Variants in RYR2 observed in about 807,000 individuals in gnomAD.
RYR2 encodes the protein ryanodine receptor 2.
A neutral mutation model predicts 601.1 loss-of-function variants in RYR2; 227 were observed. The ratio of observed to expected loss-of-function variants is 0.38; its 90% CI spans 0.34 to 0.42. The LOEUF is 0.42. Among genes scored for constraint, RYR2 ranks in the 10% least tolerant of loss-of-function variants. RYR2 has a pLI of 1.00. For missense variants in RYR2, 4,646 were observed against 6,156.5 expected (o/e 0.75, Z 8.21); for synonymous variants, 2,223 against 2,175.1 (o/e 1.02, Z -0.61).
intron 29 of RYR2, among the ~76,000 whole-genome samples, chr1:237,581,566 A>G (rs1842084): frequency 0.3 from 45,451 of 152,074 alleles, 7,273 homozygotes; most frequent in East Asian, 0.61. Flanking sequence ...ATATAGAACT[A>G]CTAGTTTGTT....
intron 1 of RYR2, among the ~76,000 whole-genome samples, chr1:237,192,470 C>T (rs1325391061): frequency 1.3e-5 from 2 of 152,246 alleles, no homozygotes; most frequent in African/African-American, 4.8e-5. Flanking sequence ...CGGCCTCGGC[C>T]TCCCGAAGTG....
At chr1:237,333,045 T>C (rs577978180) in intron 3 of RYR2, among the ~76,000 whole-genome samples, 1 of 152,336 alleles carries the variant, frequency 6.6e-6, no homozygotes, top group South Asian at 2.1e-4. Flanking sequence ...TCAAGTATTT[T>C]TATTTAGCTG....
intron 92 of RYR2, among the ~76,000 whole-genome samples, chr1:237,788,796 A>T (rs1369720751): frequency 6.6e-6 from 1 of 152,084 alleles, no homozygotes; most frequent in Non-Finnish European, 1.5e-5. Flanking sequence ...CATATTTGGA[A>T]AACAAAAGGT....
At chr1:237,788,409 G>T (rs902071293) in intron 92 of RYR2, among the ~76,000 whole-genome samples, 1 of 152,148 alleles carries the variant, frequency 6.6e-6, no homozygotes, top group Non-Finnish European at 1.5e-5. Flanking sequence ...CCCAGTGTCT[G>T]CCCACAAAGA....
chr1:237,544,462 G>A (rs958841015), intron 25 of RYR2, among the ~76,000 whole-genome samples: 2 of 152,014 alleles, frequency 1.3e-5, no homozygotes, highest in African/African-American at 4.8e-5. Flanking sequence ...TCCCATTTTG[G>A]TGGCTATAAA....
At chr1:237,284,499 T>TATAA (rs1691269097) in intron 2 of RYR2, among the ~76,000 whole-genome samples, 4 of 141,830 alleles carry the variant, frequency 2.8e-5, no homozygotes, top group South Asian at 2.2e-4. Context: ...ATATAAAATA[T>TATAA]ATATAAAATA....
At chr1:237,186,138 A>G (rs571586215) in intron 1 of RYR2, among the ~76,000 whole-genome samples, 9 of 152,330 alleles carry the variant, frequency 5.9e-5, no homozygotes, top group Middle Eastern at 3.4e-3. Context: ...TGATCCGTGA[A>G]GATGGGATAT....
Position 237,601,354 on chromosome 1 carries a change from C to T in RYR2, c.4597-671C>T, listed in dbSNP as rs967639236. Among the ~76,000 whole-genome samples, 3 of 152,152 alleles carry T rather than the reference C, an allele frequency of 2.0e-5. No homozygotes were observed. The South Asian group carries it at 6.2e-4, about 32-fold the overall frequency. ...ACATAGAAAGAAAAATACTGCATTG[C>T]CCACTCATATGTAGAATCGAAAAAA... On this transcript the variant is annotated intron_variant, in intron 34 of 104. Coordinates refer to ENST00000366574, the MANE Select transcript of RYR2 (RefSeq NM_001035.3).
chr1:237,255,306 C>T (rs1389086780), intron 1 of RYR2, among the ~76,000 whole-genome samples: 1 of 152,144 alleles, frequency 6.6e-6, no homozygotes, highest in Non-Finnish European at 1.5e-5. Flanking sequence ...CTTTTTAGAT[C>T]TGATATTTTT....
chr1:237,541,003 A>G (rs1408868329), intron 25 of RYR2, among the ~76,000 whole-genome samples: 1 of 152,182 alleles, frequency 6.6e-6, no homozygotes, highest in Non-Finnish European at 1.5e-5. Flanking sequence ...GTGTACCCGT[A>G]TGTATACTGT....
At chr1:237,223,878 G>A (rs1362777268) in intron 1 of RYR2, among the ~76,000 whole-genome samples, 1 of 152,152 alleles carries the variant, frequency 6.6e-6, no homozygotes, top group Non-Finnish European at 1.5e-5. Flanking sequence ...TCTCCTTCTG[G>A]TCTGTAAGGC....
At chr1:237,543,806 C>G (rs753015959) in intron 25 of RYR2, among the ~76,000 whole-genome samples, 1 of 152,126 alleles carries the variant, frequency 6.6e-6, no homozygotes, top group Non-Finnish European at 1.5e-5. Context: ...TTACACTGAG[C>G]CCTTGTTTCA....
At chr1:237,073,079 T>C (rs1315517639) in intron 1 of RYR2, among the ~76,000 whole-genome samples, 1 of 152,146 alleles carries the variant, frequency 6.6e-6, no homozygotes, top group Non-Finnish European at 1.5e-5. Flanking sequence ...AAGGACCTAG[T>C]GTAGAGGACT....
intron 27 of RYR2, among the ~76,000 whole-genome samples, chr1:237,556,903 A>C (rs1271104451): frequency 2.8e-5 from 3 of 108,734 alleles, no homozygotes; most frequent in Admixed American, 9.6e-5. Flanking sequence ...AAAAAAAAAA[A>C]AAAAAACCCT....
At chr1:237,566,833 G>A in intron 28 of RYR2, 58 bp downstream of exon 28, 2 of 1,545,230 alleles carry the variant, frequency 1.3e-6, no homozygotes, top group South Asian at 1.1e-5. Context: ...CATCTCCTCT[G>A]CTGTTCCTCT....
chr1:237,821,383 CAG>C (rs1662477818), intron 101 of RYR2, among the ~76,000 whole-genome samples: 1 of 152,156 alleles, frequency 6.6e-6, no homozygotes, highest in South Asian at 2.1e-4. Context: ...CCCAGGCAAA[CAG>C]GGTCTGGAGT....
At chr1:237,733,824 G>A (rs1573726132) in intron 79 of RYR2, 68 bp downstream of exon 79, 1 of 1,089,498 alleles carries the variant, frequency 9.2e-7, no homozygotes, top group Non-Finnish European at 1.4e-6. Context: ...CATCTGAAAA[G>A]GATAAGAATC....
chr1:237,228,945 G>A (rs1237502803), intron 1 of RYR2, among the ~76,000 whole-genome samples: 1 of 152,140 alleles, frequency 6.6e-6, no homozygotes, highest in African/African-American at 2.4e-5. Flanking sequence ...AGCTAACATT[G>A]TGCACCTATG....
rs1472732790 is a variant in RYR2, at chr1:237,707,060, T to C, written c.9692T>C (p.Met3231Thr). 3.7e-6 allele frequency: 6 copies of C among 1,613,796 alleles called. No homozygotes were observed. Among genetic ancestry groups the C allele is most frequent in the Non-Finnish European group, 3.4e-6 (4 of 1,179,868 alleles). Residue 3231 changes from methionine to threonine, a missense_variant, in exon 68 of 105, where the codon ATG becomes ACG. This residue lies in a region of RYR2 where 1,497 missense variants were observed against 1,842.6 expected (regional missense o/e 0.81). Coordinates refer to ENST00000366574, the MANE Select transcript of RYR2 (RefSeq NM_001035.3). The part of the protein sequence containing the change: ...LAESGIRYTQ[M>T]PHVMEVILPM... ...GAGTCCGGCATTCGCTACACTCAAATGCCACATGTCATGGAAGTCATACTG... is the reference window on the plus strand; with the variant it reads ...GAGTCCGGCATTCGCTACACTCAAACGCCACATGTCATGGAAGTCATACTG...
Sources: allele counts gnomAD v4.1 joint callset (sites outside exome capture counted in the v4.1 genomes callset), GRCh38; gene constraint gnomAD v4.1.1; regional missense constraint gnomAD v4.1.1; transcripts MANE v1.5; gene names NCBI Gene and HGNC (gene_info 2026-07-23, HGNC 2026-07-21).